Variants in RIMBP2 observed in about 807,000 individuals in gnomAD.
RIMBP2 encodes RIMS-binding protein 2.
In RIMBP2, 48 loss-of-function variants were observed where a neutral mutation model predicts 118.6. The ratio of observed to expected loss-of-function variants is 0.40; its 90% CI spans 0.32 to 0.51. RIMBP2 has a LOEUF of 0.51. Among genes scored for constraint, RIMBP2 ranks in the 20% least tolerant of loss-of-function variants. The pLI, the probability that RIMBP2 is intolerant of heterozygous loss-of-function variation, is 0.41. For synonymous variants in RIMBP2, 762 were observed against 742.9 expected (o/e 1.03, Z -0.42); for missense variants, 1,551 against 1,768.3 (o/e 0.88, Z 2.20).
At chr12:130,402,771 T>G (rs2074754729) in intron 21 of RIMBP2, among the ~76,000 whole-genome samples, 1 of 152,216 alleles carries the variant, frequency 6.6e-6, no homozygotes, top group Admixed American at 6.5e-5. Context: ...CAGTGAGACA[T>G]CCACTCGTGT....
At chr12:130,526,544 C>T (rs1334914647) in intron 2 of RIMBP2, among the ~76,000 whole-genome samples, 1 of 152,108 alleles carries the variant, frequency 6.6e-6, no homozygotes, top group African/African-American at 2.4e-5. Flanking sequence ...TAAGTCACAG[C>T]GAGTTTGGGT....
intron 17 of RIMBP2, among the ~76,000 whole-genome samples, chr12:130,416,483 C>G (rs11060879): frequency 0.094 from 14,315 of 152,236 alleles, 776 homozygotes; most frequent in South Asian, 0.2. Flanking sequence ...AAAGGACTCC[C>G]CATTCAATAA....
At chr12:130,641,785 CAGG>C (rs2062634441) in intron 1 of RIMBP2, among the ~76,000 whole-genome samples, 1 of 152,084 alleles carries the variant, frequency 6.6e-6, no homozygotes, top group Non-Finnish European at 1.5e-5. Context: ...GAGAGTAAAC[CAGG>C]AGGACAGAGT....
chr12:130,496,979 G>A (rs2049233725), intron 4 of RIMBP2, among the ~76,000 whole-genome samples: 1 of 152,126 alleles, frequency 6.6e-6, no homozygotes, highest in Admixed American at 6.5e-5. Flanking sequence ...GTCGAGGTGT[G>A]GACAGGGCCA....
chr12:130,603,517 G>A (rs728931), intron 2 of RIMBP2, among the ~76,000 whole-genome samples: 27,227 of 152,112 alleles, frequency 0.18, 3,578 homozygotes, highest in East Asian at 0.36. Context: ...AGAATCATGT[G>A]CCCAGTATGA....
At chr12:130,665,223 T>C (rs1035353719) in intron 1 of RIMBP2, among the ~76,000 whole-genome samples, 10 of 151,532 alleles carry the variant, frequency 6.6e-5, no homozygotes, top group African/African-American at 2.4e-4. Flanking sequence ...TGCTCCGAGA[T>C]GGAGGCAAAT....
chr12:130,453,063 A>G (rs950843899), intron 7 of RIMBP2, among the ~76,000 whole-genome samples: 1 of 152,214 alleles, frequency 6.6e-6, no homozygotes, highest in Non-Finnish European at 1.5e-5. Context: ...CAAAATACGT[A>G]TGTTCTAGAA....
chr12:130,451,684 C>T (rs189404560), intron 7 of RIMBP2, among the ~76,000 whole-genome samples: 2 of 152,352 alleles, frequency 1.3e-5, no homozygotes, highest in South Asian at 2.1e-4. Flanking sequence ...TCAGGGAGGC[C>T]GCAAACCTCC....
At chr12:130,630,419 C>CTA (rs954327028) in intron 1 of RIMBP2, among the ~76,000 whole-genome samples, 16 of 151,728 alleles carry the variant, frequency 1.1e-4, no homozygotes, top group East Asian at 5.8e-4. Flanking sequence ...ACAAAAATTC[C>CTA]TATATATATA....
intron 6 of RIMBP2, among the ~76,000 whole-genome samples, chr12:130,464,637 C>A (rs7307869): frequency 3.3e-5 from 5 of 152,190 alleles, no homozygotes; most frequent in African/African-American, 1.2e-4. Flanking sequence ...GAGACCTCCC[C>A]GGTAAGTTGG....
At chr12:130,499,345 G>A (rs550201905) in intron 4 of RIMBP2, among the ~76,000 whole-genome samples, 24 of 152,218 alleles carry the variant, frequency 1.6e-4, no homozygotes, top group Non-Finnish European at 2.8e-4. Context: ...ACCTCTGTGC[G>A]GTCTCCCTGC....
chr12:130,676,321 A>T (rs1254330166), intron 1 of RIMBP2, among the ~76,000 whole-genome samples: 2 of 546 alleles, frequency 3.7e-3, no homozygotes, highest in Non-Finnish European at 0.067. Context: ...GGATGGATTA[A>T]AAAAAAAAAA....
chr12:130,617,726 T>G lies in RIMBP2; in HGVS notation c.-217+10596A>C, dbSNP rs976964068. ...CCTTCAGTCCTCGAAGGTCCGCAGATGCACCCCAGTTCTGAATTCACAGAA... is the reference window on the plus strand; with the variant it reads ...CCTTCAGTCCTCGAAGGTCCGCAGAGGCACCCCAGTTCTGAATTCACAGAA... On this transcript the variant is annotated intron_variant, in intron 2 of 22. Transcript: ENST00000690449. The surrounding 1 kb of genome is among the most constrained non-coding windows in gnomAD (Gnocchi z 4.6). 2.6e-5 allele frequency among the ~76,000 whole-genome samples: 4 copies of G among 152,210 alleles called. No homozygotes were observed. The highest frequency in any genetic ancestry group is 9.6e-5 in the African/African-American group (4 of 41,462).
intron 1 of RIMBP2, among the ~76,000 whole-genome samples, chr12:130,632,389 A>AC (rs2062050193): frequency 6.9e-6 from 1 of 143,982 alleles, no homozygotes; most frequent in Admixed American, 6.8e-5. Flanking sequence ...CAAGTGATGT[A>AC]CATTTTTTTT....
chr12:130,562,234 G>A (rs2056874813), intron 2 of RIMBP2, among the ~76,000 whole-genome samples: 1 of 152,124 alleles, frequency 6.6e-6, no homozygotes, highest in Non-Finnish European at 1.5e-5. Flanking sequence ...ATGAAACTTA[G>A]AATACTTTAT....
chr12:130,693,733 T>C (rs575721126), intron 1 of RIMBP2, among the ~76,000 whole-genome samples: 4 of 152,308 alleles, frequency 2.6e-5, no homozygotes, highest in African/African-American at 7.2e-5. Flanking sequence ...ACATGACAGC[T>C]CCAACCAGTG....
At position 130,446,967 on chromosome 12, in the gene RIMBP2, T is replaced by C. The variant is rs1440145271; in HGVS notation, c.582-1698A>G. Among the ~76,000 whole-genome samples the C allele has an allele frequency of 2.2e-5, 3 of 134,132 alleles. No homozygotes were observed. Among genetic ancestry groups the C allele is most frequent in the Admixed American group, 8.1e-5 (1 of 12,386 alleles). The allele number at this position is 134,132 out of a possible 152,430, so 88.0% of individuals were successfully genotyped here. A position where few individuals can be genotyped will look rare whatever the true frequency, so the allele number is the denominator to read the frequency against. On this transcript the variant is annotated intron_variant, in intron 9 of 22. Coordinates refer to ENST00000690449, the MANE Select transcript of RIMBP2 (RefSeq NM_001393629.1). The surrounding 1 kb of genome is among the most constrained non-coding windows in gnomAD (Gnocchi z 4.1). ...GACCCTCGGCTTTCTGGCCTCAGGGTGAGCAGGCGGGGACACAAGTCACTG... is the reference window on the plus strand; with the variant it reads ...GACCCTCGGCTTTCTGGCCTCAGGGCGAGCAGGCGGGGACACAAGTCACTG...
chr12:130,491,899 G>T (rs550929838), intron 4 of RIMBP2, among the ~76,000 whole-genome samples: 1 of 152,164 alleles, frequency 6.6e-6, no homozygotes, highest in Non-Finnish European at 1.5e-5. Flanking sequence ...CGACATTCAC[G>T]CCAGCACTTA....
intron 17 of RIMBP2, among the ~76,000 whole-genome samples, chr12:130,421,904 G>A (rs2076439163): frequency 6.6e-6 from 1 of 152,218 alleles, no homozygotes; most frequent in African/African-American, 2.4e-5. Context: ...CAAAAAGTCA[G>A]GAAGAGAATG....
Sources: allele counts gnomAD v4.1 joint callset (sites outside exome capture counted in the v4.1 genomes callset), GRCh38; gene constraint gnomAD v4.1.1; non-coding constraint Gnocchi (gnomAD v3.1); transcripts MANE v1.5; gene names NCBI Gene and HGNC (gene_info 2026-07-23, HGNC 2026-07-21).